The following RREB1 variants were observed in gnomAD, a reference collection of about 807,000 sequenced individuals.
RREB1 encodes the protein ras-responsive element-binding protein 1.
In RREB1, 27 loss-of-function variants were observed where a neutral mutation model predicts 117.8. That is an observed-to-expected ratio of 0.23 (90% CI 0.17 to 0.32). The LOEUF is 0.32. Ranked by LOEUF, RREB1 falls within the 10% of genes least tolerant of loss-of-function variation. The pLI is 1.00. For missense variants in RREB1, 2,577 were observed against 2,378.2 expected, an observed-to-expected ratio of 1.08 and a Z score of -1.74; for synonymous variants, 1,298 against 1,026.7, an observed-to-expected ratio of 1.26 and a Z score of -5.05.
intron 1 of RREB1, among the ~76,000 whole-genome samples, chr6:7,117,551 G>A (rs1581403930): frequency 2.6e-5 from 4 of 151,238 alleles, no homozygotes; most frequent in African/African-American, 7.3e-5. Flanking sequence ...GATTACAGGC[G>A]CCTACCACCA....
At chr6:7,236,014 C>G (rs961970055) in intron 10 of RREB1, among the ~76,000 whole-genome samples, 2 of 152,176 alleles carry the variant, frequency 1.3e-5, no homozygotes, top group African/African-American at 2.4e-5. Flanking sequence ...CCACTCCTCT[C>G]CAGCTCTCTC....
At chr6:7,146,360 G>A (rs1238819427) in intron 1 of RREB1, among the ~76,000 whole-genome samples, 2 of 152,104 alleles carry the variant, frequency 1.3e-5, no homozygotes, top group African/African-American at 4.8e-5. Context: ...GATGGCCTGA[G>A]AGGGGGAAAG....
chr6:7,240,538 C>G lies in RREB1; in HGVS notation c.3909C>G (p.Ser1303=). The G allele has an allele frequency of 6.2e-7, 1 of 1,613,882 alleles. No homozygotes were observed. The highest frequency in any genetic ancestry group is 8.5e-7 in the Non-Finnish European group (1 of 1,179,886). The change falls in exon 11 of 13, where the codon TCC becomes TCG. Residue 1303 remains serine (S), a synonymous_variant. Transcript: ENST00000379938. The part of the protein sequence containing the change: ...QLRKHGVTTC[S]LRRNGLIPQS... ...GCAAACACGGAGTTACCACCTGTTC[C>G]CTGAGAAGAAACGGGCTTATCCCCC...
intron 9 of RREB1, among the ~76,000 whole-genome samples, chr6:7,227,610 A>G (rs1020033042): frequency 6.6e-6 from 1 of 152,126 alleles, no homozygotes; most frequent in African/African-American, 2.4e-5. Context: ...TCCTATGATA[A>G]TCGGAATTCG....
chr6:7,239,499 C>G (rs1380048576), intron 10 of RREB1, among the ~76,000 whole-genome samples: 1 of 152,178 alleles, frequency 6.6e-6, no homozygotes, highest in Non-Finnish European at 1.5e-5. Context: ...AGAGGAGCTT[C>G]TATTGCATTT....
intron 1 of RREB1, among the ~76,000 whole-genome samples, chr6:7,162,400 C>T (rs1281172525): frequency 6.6e-6 from 1 of 152,178 alleles, no homozygotes; most frequent in Non-Finnish European, 1.5e-5. Flanking sequence ...CTCAGGTTTG[C>T]TTTTGCTGTG....
chr6:7,141,034 C>T (rs1762545917), intron 1 of RREB1, among the ~76,000 whole-genome samples: 1 of 152,206 alleles, frequency 6.6e-6, no homozygotes. Flanking sequence ...AGGCGGCCGG[C>T]GGCCCTCCCA....
intron 1 of RREB1, among the ~76,000 whole-genome samples, chr6:7,166,545 C>G (rs906890228): frequency 1.3e-5 from 2 of 152,236 alleles, no homozygotes; most frequent in African/African-American, 2.4e-5. Context: ...CAGTCATTCC[C>G]AGCTGACGGT....
intron 1 of RREB1, among the ~76,000 whole-genome samples, chr6:7,152,583 T>A (rs1435525993): frequency 6.6e-6 from 1 of 152,186 alleles, no homozygotes; most frequent in Non-Finnish European, 1.5e-5. Flanking sequence ...GTTTACCTTT[T>A]TTTTCCTTTC....
chr6:7,199,821 G>A (rs1226338624), intron 6 of RREB1, among the ~76,000 whole-genome samples: 1 of 151,834 alleles, frequency 6.6e-6, no homozygotes, highest in Non-Finnish European at 1.5e-5. Flanking sequence ...ACTCCACCAT[G>A]CCTGGCCTAT....
At chr6:7,113,994 T>G (rs1761268530) in intron 1 of RREB1, among the ~76,000 whole-genome samples, 1 of 152,226 alleles carries the variant, frequency 6.6e-6, no homozygotes, top group Non-Finnish European at 1.5e-5. Flanking sequence ...GGATTTCCTT[T>G]CCAGAATTTT....
intron 1 of RREB1, among the ~76,000 whole-genome samples, chr6:7,120,187 A>T (rs1187351717): frequency 6.6e-6 from 1 of 151,250 alleles, no homozygotes; most frequent in African/African-American, 2.4e-5. Context: ...GTGGTGGCTC[A>T]TGCCTCTCAT....
intron 1 of RREB1, among the ~76,000 whole-genome samples, chr6:7,174,419 C>T (rs9505061): frequency 1.3e-5 from 2 of 151,868 alleles, no homozygotes; most frequent in African/African-American, 4.8e-5. Flanking sequence ...CCATCCTCTC[C>T]TTGCTGTCCT....
chr6:7,191,153 T>C (rs905462919), intron 6 of RREB1, among the ~76,000 whole-genome samples: 1 of 152,228 alleles, frequency 6.6e-6, no homozygotes, highest in Non-Finnish European at 1.5e-5. Context: ...CAAATAATCA[T>C]TGCTGAAACT....
At chr6:7,109,643 GA>G (rs926943048) in intron 1 of RREB1, among the ~76,000 whole-genome samples, 9 of 152,244 alleles carry the variant, frequency 5.9e-5, no homozygotes, top group African/African-American at 2.2e-4. Context: ...AAAAGAGGAG[GA>G]AAGTATTTCT....
chr6:7,175,669 G>C (rs1412442624), intron 1 of RREB1, among the ~76,000 whole-genome samples: 3 of 152,196 alleles, frequency 2.0e-5, no homozygotes, highest in African/African-American at 2.4e-5. Context: ...ACATGCTGTA[G>C]CTCTGGGAGA....
In RREB1 at chr6:7,182,011, G is replaced by A. The variant is rs779729246; in HGVS notation, c.100G>A (p.Gly34Ser). The A allele has an allele frequency of 2.5e-6, 4 of 1,613,894 alleles. No homozygotes were observed. In the South Asian group the frequency reaches 3.3e-5, roughly 13 times the overall value. Reference protein sequence around the residue: ...VMSVGKVTENGGSPQGIKSPS... With the variant: ...VMSVGKVTENSGSPQGIKSPS... ...GAGTGTAGGGAAGGTCACAGAGAAT[G>A]GCGGGAGCCCCCAGGGGATCAAGTC... is the stretch of plus-strand genomic sequence containing the variant. Residue 34 changes from glycine to serine, a missense_variant, in exon 4 of 13, where the codon GGC (glycine) becomes AGC (serine). Gly to Ser is a moderately conservative substitution (Grantham distance 56). Transcript: ENST00000379938.
intron 1 of RREB1, among the ~76,000 whole-genome samples, chr6:7,123,158 A>T (rs558256154): frequency 6.6e-6 from 1 of 151,592 alleles, no homozygotes; most frequent in East Asian, 1.9e-4. Flanking sequence ...ATGAAGTTGA[A>T]TGTGTTTTTT....
intron 6 of RREB1, among the ~76,000 whole-genome samples, chr6:7,200,210 A>G (rs1438687676): frequency 8.5e-5 from 12 of 141,776 alleles, no homozygotes; most frequent in Admixed American, 5.6e-4. Context: ...ATATGTATGT[A>G]TGTGTGTGTA....
Sources: allele counts gnomAD v4.1 joint callset (sites outside exome capture counted in the v4.1 genomes callset), GRCh38; gene constraint gnomAD v4.1.1; transcripts MANE v1.5; gene names NCBI Gene and HGNC (gene_info 2026-07-23, HGNC 2026-07-21).